TOGARAM1: variants seen among roughly 807,000 people sequenced by gnomAD.
TOGARAM1 encodes TOG array regulator of axonemal microtubules 1.
A neutral mutation model predicts 166.6 loss-of-function variants in TOGARAM1; 100 were observed. The ratio of observed to expected loss-of-function variants is 0.60; its 90% CI spans 0.51 to 0.71. The LOEUF (loss-of-function observed/expected upper bound fraction) is 0.71, where lower values mean the gene tolerates loss of function less well. Among genes scored for constraint, TOGARAM1 ranks in the 30% least tolerant of loss-of-function variants. TOGARAM1 has a pLI of 0.00. For synonymous variants in TOGARAM1, 758 were observed against 763.8 expected (o/e 0.99, Z 0.13); for missense variants, 2,029 against 2,102.7 (o/e 0.96, Z 0.69).
At chr14:45,009,739 A>C (rs1879683150) in intron 6 of TOGARAM1, among the ~76,000 whole-genome samples, 1 of 152,186 alleles carries the variant, frequency 6.6e-6, no homozygotes, top group Non-Finnish European at 1.5e-5. Context: ...TTTTCAGATT[A>C]CTTCTGTAAC....
Position 45,052,519 on chromosome 14 carries a change from A to G in TOGARAM1, c.4397A>G (p.Asp1466Gly). The change falls in exon 15 of 20, where the codon GAT (aspartate) becomes GGT (glycine). Residue 1466 changes from aspartate to glycine, a missense_variant. Coordinates refer to ENST00000361462, the MANE Select transcript of TOGARAM1 (RefSeq NM_001308120.2). ...CTTGAAAAGTATGTCCCATCTAAAG[A>G]TTTGCCATATATTAAGGACTCTGTT... is the stretch of plus-strand genomic sequence containing the variant. ...KMLEKYVPSK[D>G]LPYIKDSVRN... 1 of 1,612,532 alleles carries G rather than the reference A, an allele frequency of 6.2e-7. No homozygotes were observed. Among genetic ancestry groups the G allele is most frequent in the Non-Finnish European group, 8.5e-7 (1 of 1,179,246 alleles).
chr14:44,969,691 TA>T (rs1885776641), intron 1 of TOGARAM1, among the ~76,000 whole-genome samples: 1 of 152,334 alleles, frequency 6.6e-6, no homozygotes, highest in Admixed American at 6.5e-5. Flanking sequence ...AATTTACATT[TA>T]AGTCTATGAT....
At chr14:45,023,297 G>A (rs1880632803) in intron 7 of TOGARAM1, among the ~76,000 whole-genome samples, 1 of 152,164 alleles carries the variant, frequency 6.6e-6, no homozygotes. Context: ...AAGAAATGTG[G>A]CTGGGTTGAG....
intron 11 of TOGARAM1, among the ~76,000 whole-genome samples, chr14:45,033,137 C>T (rs1220242269): frequency 2.0e-5 from 3 of 151,716 alleles, no homozygotes; most frequent in Non-Finnish European, 4.4e-5. Context: ...CCTGCAGTCC[C>T]AGCTACTTGG....
intron 10 of TOGARAM1, among the ~76,000 whole-genome samples, chr14:45,031,709 G>A (rs972590300): frequency 3.9e-5 from 6 of 152,152 alleles, no homozygotes; most frequent in Non-Finnish European, 7.4e-5. Context: ...CATATAAAAA[G>A]TAAAGTTTTC....
In TOGARAM1 at chr14:45,052,575, A is replaced by C; in HGVS notation, c.4440+13A>C. 6.3e-7 allele frequency: 1 copy of C among 1,579,726 alleles called. No homozygotes were observed. The highest frequency in any genetic ancestry group is 8.6e-7 in the Non-Finnish European group (1 of 1,159,092). ...CTTACAGCAAAAGGTATGTGGGAAAAGTTTGTTTTATAAACAGCTTTATAA... is the reference window on the plus strand; with the variant it reads ...CTTACAGCAAAAGGTATGTGGGAAACGTTTGTTTTATAAACAGCTTTATAA... On this transcript the variant is annotated intron_variant, in intron 15 of 19. Coordinates refer to ENST00000361462, the MANE Select transcript of TOGARAM1 (RefSeq NM_001308120.2).
At chr14:44,989,266 G>A (rs1429451925) in intron 1 of TOGARAM1, among the ~76,000 whole-genome samples, 1 of 152,152 alleles carries the variant, frequency 6.6e-6, no homozygotes, top group African/African-American at 2.4e-5. Flanking sequence ...GCTTTTGGAA[G>A]ACATTTTTCT....
At chr14:45,063,973 A>C (rs1306682704) in intron 16 of TOGARAM1, among the ~76,000 whole-genome samples, 2 of 152,008 alleles carry the variant, frequency 1.3e-5, no homozygotes, top group Non-Finnish European at 2.9e-5. Context: ...ACCACCTTTG[A>C]TGTATAAGTC....
Position 44,962,728 on chromosome 14 carries a change from C to T in TOGARAM1, c.307C>T (p.Leu103Phe). The T allele has an allele frequency of 1.9e-6, 3 of 1,613,928 alleles. No individual in the cohort carries two copies. Among genetic ancestry groups the T allele is most frequent in the South Asian group, 1.1e-5 (1 of 91,082 alleles). ...DEEDTRLLQL[L>F]RTARDPSEAF... ...AGAGGACACTCGGCTCCTTCAACTC[C>T]TCCGCACTGCCCGGGATCCTTCTGA... is the stretch of plus-strand genomic sequence containing the variant. Residue 103 changes from leucine (L) to phenylalanine (F), a missense_variant, in exon 1 of 20, where the codon CTC becomes TTC. Leu to Phe is a conservative substitution (Grantham distance 22, BLOSUM62 0). Around this residue, in one of 2 missense-constraint regions of TOGARAM1, gnomAD observed 1,453 missense variants for 1,432.2 expected, o/e 1.01. Coordinates refer to ENST00000361462, the MANE Select transcript of TOGARAM1 (RefSeq NM_001308120.2).
intron 8 of TOGARAM1, 143 bp from the exon 9 acceptor site, chr14:45,027,156 T>C: frequency 1.3e-6 from 1 of 757,206 alleles, no homozygotes; most frequent in Non-Finnish European, 2.1e-6. Context: ...GTATTTGTTT[T>C]TATATTTTAT....
chr14:44,977,390 A>G (rs1886258333), intron 1 of TOGARAM1, among the ~76,000 whole-genome samples: 1 of 151,884 alleles, frequency 6.6e-6, no homozygotes. Flanking sequence ...ACCCGCCACC[A>G]TGCCCAGCTA....
At chr14:45,055,559 C>G (rs577262785) in intron 16 of TOGARAM1, among the ~76,000 whole-genome samples, 15 of 152,066 alleles carry the variant, frequency 9.9e-5, no homozygotes, top group Non-Finnish European at 2.2e-4. Context: ...AATCCCAGCA[C>G]TTTGGGATGC....
At chr14:44,964,951 TAAAAAAAAAAAA>T (rs35780816) in intron 1 of TOGARAM1, among the ~76,000 whole-genome samples, 1 of 85,906 alleles carries the variant, frequency 1.2e-5, no homozygotes, top group African/African-American at 4.8e-5. Flanking sequence ...ACTAGAAAAG[TAAAAAAAAAAAA>T]AAAAAAAAAA....
chr14:45,020,734 T>A (rs1880451347), intron 7 of TOGARAM1, among the ~76,000 whole-genome samples: 1 of 152,214 alleles, frequency 6.6e-6, no homozygotes, highest in Non-Finnish European at 1.5e-5. Flanking sequence ...TGGGAGGAGT[T>A]ACCCATCTGA....
intron 18 of TOGARAM1, among the ~76,000 whole-genome samples, chr14:45,070,265 G>C (rs376211074): frequency 6.6e-6 from 1 of 152,164 alleles, no homozygotes; most frequent in Non-Finnish European, 1.5e-5. Context: ...TATGCAAATG[G>C]ATGGTTCTTA....
chr14:44,999,603 A>G, intron 3 of TOGARAM1, 106 bp downstream of exon 3: 1 of 884,278 alleles, frequency 1.1e-6, no homozygotes, highest in Middle Eastern at 3.1e-4. Flanking sequence ...ATCACAAAAA[A>G]TAAAAGGATT....
rs758420889 is a variant in TOGARAM1 at position 45,028,169 on chromosome 14, C to T, written c.3505-7C>T. On this transcript the variant is annotated splice_polypyrimidine_tract_variant and splice_region_variant and intron_variant, in intron 9 of 19. Coordinates refer to ENST00000361462, the MANE Select transcript of TOGARAM1 (RefSeq NM_001308120.2). Reference sequence around the variant, plus strand: ...AATATTTTCAGACTTTCAACTTTTTCATGCAGGCTAAAGTTTCTATTTCTA... The same window carrying T: ...AATATTTTCAGACTTTCAACTTTTTTATGCAGGCTAAAGTTTCTATTTCTA... 1 of 1,557,200 alleles carries T rather than the reference C, an allele frequency of 6.4e-7. No individual in the cohort carries two copies. Among genetic ancestry groups the T allele is most frequent in the African/African-American group, 1.4e-5 (1 of 71,734 alleles).
chr14:45,008,866 T>A, intron 5 of TOGARAM1, 47 bp from the exon 6 acceptor site: 2 of 1,464,072 alleles, frequency 1.4e-6, no homozygotes, highest in Non-Finnish European at 1.9e-6. Context: ...CTTTTACCAA[T>A]ATAAGGAATT....
At chr14:44,981,639 A>G (rs912912266) in intron 1 of TOGARAM1, among the ~76,000 whole-genome samples, 1 of 152,270 alleles carries the variant, frequency 6.6e-6, no homozygotes, top group Middle Eastern at 3.4e-3. Context: ...AAAAAGTTAT[A>G]CATGCTCATT....
Sources: allele counts gnomAD v4.1 joint callset (sites outside exome capture counted in the v4.1 genomes callset), GRCh38; gene constraint gnomAD v4.1.1; regional missense constraint gnomAD v4.1.1; transcripts MANE v1.5; gene names NCBI Gene and HGNC (gene_info 2026-07-23, HGNC 2026-07-21).